The following PTPRM variants were observed in gnomAD, a reference collection of about 807,000 sequenced individuals.
PTPRM encodes protein tyrosine phosphatase receptor type M.
A neutral mutation model predicts 186.7 loss-of-function variants in PTPRM; 47 were observed. The observed-to-expected ratio is 0.25, with a 90% confidence interval of 0.20 to 0.32. PTPRM has a LOEUF of 0.32. Ranked by LOEUF, PTPRM falls within the 10% of genes least tolerant of loss-of-function variation. The pLI, the probability that PTPRM is intolerant of heterozygous loss-of-function variation, is 1.00. For missense variants in PTPRM, 1,494 were observed against 1,865.0 expected, an observed-to-expected ratio of 0.80 and a Z score of 3.66; for synonymous variants, 668 against 674.9, an observed-to-expected ratio of 0.99 and a Z score of 0.16.
At chr18:7,604,339 A>T (rs1336472848) in intron 1 of PTPRM, among the ~76,000 whole-genome samples, 1 of 152,226 alleles carries the variant, frequency 6.6e-6, no homozygotes, top group Non-Finnish European at 1.5e-5. Context: ...GTTCGTGACC[A>T]GTTTGGACAT....
intron 19 of PTPRM, among the ~76,000 whole-genome samples, chr18:8,294,677 C>G (rs1385296100): frequency 6.6e-6 from 1 of 152,094 alleles, no homozygotes; most frequent in Non-Finnish European, 1.5e-5. Flanking sequence ...CACATCTGAT[C>G]CTACCATGTT....
At chr18:8,133,541 A>C (rs1230517122) in intron 13 of PTPRM, among the ~76,000 whole-genome samples, 1 of 152,174 alleles carries the variant, frequency 6.6e-6, no homozygotes, top group Non-Finnish European at 1.5e-5. Flanking sequence ...GAGAGAGAAT[A>C]CTTTTCTGCA....
At chr18:7,953,911 T>C (rs1017791621) in intron 6 of PTPRM, among the ~76,000 whole-genome samples, 4 of 152,182 alleles carry the variant, frequency 2.6e-5, no homozygotes, top group Admixed American at 2.0e-4. Flanking sequence ...TTTCCGTGCA[T>C]TTGTATGAGC....
chr18:7,973,809 T>A (rs2147340812), intron 7 of PTPRM, among the ~76,000 whole-genome samples: 1 of 152,314 alleles, frequency 6.6e-6, no homozygotes, highest in East Asian at 1.9e-4. Flanking sequence ...TTGGTAGATG[T>A]CTACATATGC....
chr18:7,591,525 G>C (rs2037126209), intron 1 of PTPRM, among the ~76,000 whole-genome samples: 1 of 152,152 alleles, frequency 6.6e-6, no homozygotes, highest in Non-Finnish European at 1.5e-5. Flanking sequence ...ACATACAACA[G>C]CTTCTGTGCT....
intron 31 of PTPRM, among the ~76,000 whole-genome samples, chr18:8,391,979 A>G (rs2095815579): frequency 6.6e-6 from 1 of 152,238 alleles, no homozygotes; most frequent in South Asian, 2.1e-4. Flanking sequence ...AAATAATATC[A>G]CAGAGATGTG....
intron 1 of PTPRM, among the ~76,000 whole-genome samples, chr18:7,762,381 A>G (rs1173064118): frequency 6.6e-6 from 1 of 152,052 alleles, no homozygotes; most frequent in Non-Finnish European, 1.5e-5. Context: ...GCATAGGGGT[A>G]GCATATGGGC....
chr18:7,916,174 A>G (rs1432894355), intron 4 of PTPRM, among the ~76,000 whole-genome samples: 1 of 152,192 alleles, frequency 6.6e-6, no homozygotes, highest in Non-Finnish European at 1.5e-5. Context: ...TGATGGGTAC[A>G]CTAAAAATCC....
chr18:8,399,379 C>G (rs1206044652), intron 32 of PTPRM, among the ~76,000 whole-genome samples: 4 of 152,176 alleles, frequency 2.6e-5, no homozygotes, highest in Non-Finnish European at 5.9e-5. Context: ...GGACTCCATT[C>G]TGGTTTGGTC....
chr18:8,222,810 C>T (rs2094168844), intron 14 of PTPRM, among the ~76,000 whole-genome samples: 1 of 152,196 alleles, frequency 6.6e-6, no homozygotes, highest in Non-Finnish European at 1.5e-5. Flanking sequence ...ATTTTTTGAA[C>T]TGGGCATGGT....
intron 1 of PTPRM, among the ~76,000 whole-genome samples, chr18:7,772,176 G>T (rs904735069): frequency 2.6e-5 from 4 of 152,218 alleles, no homozygotes; most frequent in African/African-American, 7.2e-5. Flanking sequence ...GTTGCCTGGA[G>T]AAGTGAAGAC....
intron 1 of PTPRM, among the ~76,000 whole-genome samples, chr18:7,576,503 C>T (rs887142855): frequency 2.0e-5 from 3 of 152,122 alleles, no homozygotes; most frequent in African/African-American, 7.2e-5. Context: ...GCGTCTTGCT[C>T]TGTCATCCAG....
chr18:7,987,348 A>G (rs531129081), intron 7 of PTPRM, among the ~76,000 whole-genome samples: 4 of 152,250 alleles, frequency 2.6e-5, no homozygotes, highest in Non-Finnish European at 5.9e-5. Context: ...CTAAGCCACC[A>G]GTAAGGGAGC....
intron 1 of PTPRM, among the ~76,000 whole-genome samples, chr18:7,712,189 G>A (rs529667340): frequency 3.9e-5 from 6 of 152,286 alleles, no homozygotes; most frequent in South Asian, 2.1e-4. Flanking sequence ...TTACTGTTCC[G>A]TAGCCTCTGC....
At chr18:8,163,074 A>T (rs1413391003) in intron 14 of PTPRM, among the ~76,000 whole-genome samples, 2 of 152,214 alleles carry the variant, frequency 1.3e-5, no homozygotes, top group Admixed American at 6.5e-5. Flanking sequence ...GGACTGAGCC[A>T]ATCCACTTTC....
intron 7 of PTPRM, among the ~76,000 whole-genome samples, chr18:7,962,413 C>A (rs1290058111): frequency 6.6e-6 from 1 of 152,094 alleles, no homozygotes; most frequent in Admixed American, 6.5e-5. Context: ...TTATCTTATA[C>A]CCTGAGAATA....
chr18:8,036,763 T>C (rs557055172), intron 7 of PTPRM, among the ~76,000 whole-genome samples: 26 of 152,312 alleles, frequency 1.7e-4, no homozygotes, highest in African/African-American at 5.8e-4. Flanking sequence ...TCCTGCAACA[T>C]TGAAGACTTA....
At chr18:8,347,216 C>T (rs2095510149) in intron 23 of PTPRM, among the ~76,000 whole-genome samples, 1 of 152,166 alleles carries the variant, frequency 6.6e-6, no homozygotes, top group Admixed American at 6.5e-5. Context: ...AGGAAGAGTC[C>T]TCAGTAAATT....
intron 3 of PTPRM, among the ~76,000 whole-genome samples, chr18:7,894,611 T>A (rs975024367): frequency 3.0e-4 from 46 of 151,456 alleles, no homozygotes; most frequent in East Asian, 3.9e-4. Flanking sequence ...ATATATATAT[T>A]TTTTAATATT....
Sources: gnomAD v4.1 joint callset for allele counts (sites outside exome capture counted in the v4.1 genomes callset) on GRCh38, gnomAD v4.1.1 for gene constraint, MANE v1.5 for transcripts, NCBI Gene and HGNC (gene_info 2026-07-23, HGNC 2026-07-21) for gene names.